UBE2V1: variants seen among roughly 807,000 people sequenced by gnomAD.
The protein encoded by UBE2V1 is ubiquitin-conjugating enzyme E2 variant 1.
A neutral mutation model predicts 19.6 loss-of-function variants in UBE2V1; 15 were observed. The observed-to-expected ratio is 0.77, with a 90% confidence interval of 0.51 to 1.18. UBE2V1 has a LOEUF of 1.18. Ranked by LOEUF, UBE2V1 falls within the 50% of genes most tolerant of loss-of-function variation. The pLI is 0.00. For missense variants in UBE2V1, 125 were observed against 184.8 expected (o/e 0.68, Z 1.88); for synonymous variants, 60 against 60.7 (o/e 0.99, Z 0.05).
chr20:50,092,509 C>A (rs991326510), intron 2 of UBE2V1, among the ~76,000 whole-genome samples: 2 of 152,050 alleles, frequency 1.3e-5, no homozygotes, highest in Non-Finnish European at 2.9e-5. Flanking sequence ...AGGGATGCTG[C>A]TAAACAGCCT....
At chr20:50,113,531 T>C (rs2080912368), upstream of UBE2V1, among the ~76,000 whole-genome samples, 1 of 152,172 alleles carries the variant, frequency 6.6e-6, no homozygotes, top group Non-Finnish European at 1.5e-5. Flanking sequence ...TCAGAATTAA[T>C]GTGAAAAATG....
intron 2 of UBE2V1, among the ~76,000 whole-genome samples, chr20:50,084,992 G>A (rs767094158): frequency 1.2e-4 from 18 of 151,166 alleles, no homozygotes; most frequent in Non-Finnish European, 1.9e-4. Context: ...CGCCTCCCGG[G>A]TTCAAGTGAC....
Position 50,081,189 on chromosome 20 carries a change from G to T in UBE2V1, c.*1579C>A, listed in dbSNP as rs1291620766. The T allele has an allele frequency of 6.6e-6, 1 of 151,814 alleles. No homozygotes were observed. Among genetic ancestry groups the T allele is most frequent in the Admixed American group, 6.6e-5 (1 of 15,232 alleles). 9.4% of individuals were successfully genotyped at this position (151,814 alleles called of 1,614,324 possible). ...CAGGCAATGGTCTGACAATAAAAAG[G>T]CTGCTTATGGAATACTGTTATGTTA... On this transcript the variant is annotated 3_prime_UTR_variant, in exon 4 of 4. Transcript: ENST00000371674.
intron 2 of UBE2V1, among the ~76,000 whole-genome samples, chr20:50,090,106 G>T (rs770787202): frequency 3.9e-5 from 6 of 152,204 alleles, no homozygotes; most frequent in Non-Finnish European, 8.8e-5. Flanking sequence ...TTCTGCAGCA[G>T]TATCTCTGTG....
chr20:50,093,065 A>C lies in UBE2V1; in HGVS notation c.171+3607T>G, dbSNP rs139914866. ...TTCACAATATCATGGAGATCATTCC[A>C]TTTCAGCACACATAAATCTGTCTCA... On this transcript the variant is annotated intron_variant, in intron 2 of 3. Transcript: ENST00000371674. 2.7e-3 allele frequency among the ~76,000 whole-genome samples: 410 copies of C among 152,350 alleles called. 2 individuals carry two copies. Among genetic ancestry groups the C allele is most frequent in the Admixed American group, 5.7e-3 (87 of 15,298 alleles).
At chr20:50,101,989 A>G (rs905652839) in intron 1 of UBE2V1, among the ~76,000 whole-genome samples, 1 of 152,214 alleles carries the variant, frequency 6.6e-6, no homozygotes, top group South Asian at 2.1e-4. Context: ...CCTTAAGGGT[A>G]ATCGGGGGGA....
At chr20:50,114,137 C>T (rs547439057), upstream of UBE2V1, among the ~76,000 whole-genome samples, 1 of 152,194 alleles carries the variant, frequency 6.6e-6, no homozygotes, top group South Asian at 2.1e-4. Flanking sequence ...GGTACTCCTC[C>T]TTTATTATAA....
At chr20:50,084,349 CT>C in intron 2 of UBE2V1, 95 bp from the exon 3 acceptor site, 1 of 1,597,664 alleles carries the variant, frequency 6.3e-7, no homozygotes. Context: ...GACTGTAGAA[CT>C]GGTACATCTG....
chr20:50,111,009 A>G (rs2080715808), intron 1 of UBE2V1, among the ~76,000 whole-genome samples: 1 of 152,162 alleles, frequency 6.6e-6, no homozygotes, highest in South Asian at 2.1e-4. Flanking sequence ...TGCTATCTGA[A>G]ATTGTCTTAT....
At chr20:50,099,927 T>C (rs565757791) in intron 1 of UBE2V1, among the ~76,000 whole-genome samples, 3 of 152,184 alleles carry the variant, frequency 2.0e-5, no homozygotes, top group Admixed American at 6.5e-5. Context: ...AGAAATCTCA[T>C]GTCTACAAAA....
In UBE2V1 at chr20:50,081,964, C is replaced by G. The variant is rs1250024552; in HGVS notation, c.*804G>C. ...AACTAAACAAGGGAGGTCAGAGGCT[C>G]TTTCCAACCTTACCTGATGGCTTCT... is the stretch of plus-strand genomic sequence containing the variant. On this transcript the variant is annotated 3_prime_UTR_variant, in exon 4 of 4. Coordinates refer to ENST00000371674, the MANE Select transcript of UBE2V1 (RefSeq NM_001032288.3). The G allele has an allele frequency of 3.1e-5, 7 of 223,010 alleles. No homozygotes were observed. Among genetic ancestry groups the G allele is most frequent in the Non-Finnish European group, 3.5e-5 (4 of 114,006 alleles). 13.8% of individuals were successfully genotyped at this position (223,010 alleles called of 1,614,324 possible). A position where few individuals can be genotyped will look rare whatever the true frequency, so the allele number is the denominator to read the frequency against.
intron 1 of UBE2V1, chr20:50,099,080 G>T (rs1399354945): frequency 4.5e-6 from 3 of 665,334 alleles, no homozygotes; most frequent in Non-Finnish European, 5.6e-6. Context: ...AATTAGGCTA[G>T]CGGGGGAAAA....
chr20:50,111,654 TG>T, intron 1 of UBE2V1: 1 of 938,604 alleles, frequency 1.1e-6, no homozygotes, highest in Non-Finnish European at 1.3e-6. Context: ...CAGCTTGTGG[TG>T]GGTCACTTCA....
chr20:50,092,992 C>G (rs2079332174), intron 2 of UBE2V1, among the ~76,000 whole-genome samples: 1 of 152,230 alleles, frequency 6.6e-6, no homozygotes, highest in African/African-American at 2.4e-5. Context: ...CCAAGGCCCC[C>G]CACTCCAACT....
At chr20:50,096,945 T>C in intron 1 of UBE2V1, 125 bp from the exon 2 acceptor site, 1 of 1,455,378 alleles carries the variant, frequency 6.9e-7, no homozygotes, top group Non-Finnish European at 9.2e-7. Context: ...TCACGGAAAG[T>C]TATCACACCT....
chr20:50,086,578 C>T (rs2078927222), intron 2 of UBE2V1, among the ~76,000 whole-genome samples: 1 of 152,152 alleles, frequency 6.6e-6, no homozygotes, highest in South Asian at 2.1e-4. Flanking sequence ...CCATCAACAA[C>T]TATATACTCA....
At chr20:50,106,261 A>T (rs191379768) in intron 1 of UBE2V1, among the ~76,000 whole-genome samples, 71 of 152,334 alleles carry the variant, frequency 4.7e-4, no homozygotes, top group African/African-American at 1.7e-3. Flanking sequence ...TTATTCTCTT[A>T]GCTAAATATA....
In UBE2V1 at chr20:50,094,005, A is replaced by T. The variant is rs1316818094; in HGVS notation, c.171+2667T>A. Among the ~76,000 whole-genome samples the T allele has an allele frequency of 4.7e-5, 6 of 128,812 alleles. No homozygotes were observed. The East Asian group carries it at 6.2e-4, about 13-fold the overall frequency. 84.5% of individuals were successfully genotyped at this position (128,812 alleles called of 152,430 possible). A position where few individuals can be genotyped will look rare whatever the true frequency, so the allele number is the denominator to read the frequency against. ...TCCAACTCAAAAAAAAAAAAAAAAAAAAAAAAATAATAATAATAATAATAA... is the reference window on the plus strand; with the variant it reads ...TCCAACTCAAAAAAAAAAAAAAAAATAAAAAAATAATAATAATAATAATAA... On this transcript the variant is annotated intron_variant, in intron 2 of 3. Transcript: ENST00000371674.
chr20:50,112,634 T>C (rs2080835988), intron 1 of UBE2V1, among the ~76,000 whole-genome samples: 1 of 152,274 alleles, frequency 6.6e-6, no homozygotes, highest in African/African-American at 2.4e-5. Context: ...AGGATCCCGT[T>C]TCTTCCATCC....
Sources: gnomAD v4.1 joint callset for allele counts (sites outside exome capture counted in the v4.1 genomes callset) on GRCh38, gnomAD v4.1.1 for gene constraint, MANE v1.5 for transcripts, NCBI Gene and HGNC (gene_info 2026-07-23, HGNC 2026-07-21) for gene names.